The following COL5A2 variants were observed in gnomAD, a reference collection of about 807,000 sequenced individuals.
COL5A2 encodes the protein collagen alpha-2(V) chain.
COL5A2 carries 23 observed loss-of-function variants against 208.2 expected under a neutral mutation model. That is an observed-to-expected ratio of 0.11 (90% confidence interval 0.08 to 0.16). The LOEUF (loss-of-function observed/expected upper bound fraction) is 0.16. Ranked by LOEUF, COL5A2 falls within the 10% of genes least tolerant of loss-of-function variation. The pLI, the probability that COL5A2 is intolerant of heterozygous loss-of-function variation, is 1.00. For synonymous variants in COL5A2, 625 were observed against 628.5 expected (o/e 0.99, Z 0.08); for missense variants, 1,590 against 1,956.4 (o/e 0.81, Z 3.53).
chr2:189,164,905 T>G (rs1688437617), intron 1 of COL5A2, among the ~76,000 whole-genome samples: 1 of 152,190 alleles, frequency 6.6e-6, no homozygotes, highest in Admixed American at 6.5e-5. Flanking sequence ...CCACGTTGAG[T>G]TAGTAGAAGT....
chr2:189,085,198 G>A lies in COL5A2; in HGVS notation c.760C>T (p.Arg254Cys), dbSNP rs369664199. The A allele has an allele frequency of 3.7e-6, 6 of 1,611,018 alleles. No individual in the cohort carries two copies. The highest frequency in any genetic ancestry group is 2.7e-5 in the African/African-American group (2 of 74,852). Residue 254 changes from arginine (R) to cysteine (C), a missense_variant, in exon 11 of 54, where the codon CGT becomes TGT. Arg to Cys is a radical substitution (Grantham distance 180). Coordinates refer to ENST00000374866, the MANE Select transcript of COL5A2 (RefSeq NM_000393.5). ...DPGPMGPIGS[R>C]GPEGPPGKPG... is the part of the protein sequence containing the mutation. ...TTACCAGGAGGGCCCTCTGGTCCAC[G>A]TGAACCAATCGGACCCTAATAACAG...
the COL5A2 span, among the ~76,000 whole-genome samples, chr2:189,304,301 T>C: frequency 2.6e-5 from 4 of 152,246 alleles, no homozygotes; most frequent in African/African-American, 9.6e-5. Context: ...CTTGTCACTT[T>C]AGCTAAGATT....
At chr2:189,290,642 A>G in the COL5A2 span, among the ~76,000 whole-genome samples, 3 of 151,412 alleles carry the variant, frequency 2.0e-5, no homozygotes, top group Non-Finnish European at 4.4e-5. Flanking sequence ...CATGTACACA[A>G]CTTTTTCAAG....
chr2:189,053,529 A>C, intron 37 of COL5A2, 52 bp from the exon 38 acceptor site: 1 of 1,434,400 alleles, frequency 7.0e-7, no homozygotes, highest in Non-Finnish European at 9.8e-7. Flanking sequence ...CTAAACAGGA[A>C]CAGTATTTTA....
intron 1 of COL5A2, among the ~76,000 whole-genome samples, chr2:189,130,525 T>C (rs1305712074): frequency 6.6e-6 from 1 of 152,052 alleles, no homozygotes; most frequent in Non-Finnish European, 1.5e-5. Context: ...TGTTCATAGC[T>C]GTACCCCTTA....
chr2:189,081,594 T>A (rs971640728), intron 12 of COL5A2, among the ~76,000 whole-genome samples: 4 of 150,398 alleles, frequency 2.7e-5, no homozygotes, highest in African/African-American at 9.8e-5. Flanking sequence ...CAGGAATTTT[T>A]AAAATAAATT....
At chr2:189,292,241 G>A in the COL5A2 span, among the ~76,000 whole-genome samples, 1 of 152,210 alleles carries the variant, frequency 6.6e-6, no homozygotes, top group South Asian at 2.1e-4. Context: ...TACTTTTGAA[G>A]TGAGAAAAAA....
At chr2:189,062,504 T>C (rs1686056818) in intron 29 of COL5A2, among the ~76,000 whole-genome samples, 2 of 152,090 alleles carry the variant, frequency 1.3e-5, no homozygotes, top group African/African-American at 4.8e-5. Context: ...TTTTATAAGA[T>C]GCATTATTGA....
chr2:189,056,013 T>C (rs982196182), intron 35 of COL5A2, among the ~76,000 whole-genome samples: 1 of 152,248 alleles, frequency 6.6e-6, no homozygotes, highest in Non-Finnish European at 1.5e-5. Flanking sequence ...GTATCTTTTG[T>C]GCATAATTTG....
chr2:189,315,756 T>TA, the COL5A2 span, among the ~76,000 whole-genome samples: 5,543 of 152,136 alleles, frequency 0.036, 116 homozygotes, highest in Admixed American at 0.05. Flanking sequence ...AATTATTGTG[T>TA]AAAATTACTA....
the COL5A2 span, among the ~76,000 whole-genome samples, chr2:189,297,405 C>T: frequency 1.3e-5 from 2 of 152,192 alleles, no homozygotes; most frequent in Non-Finnish European, 2.9e-5. Flanking sequence ...GAATGTGAGG[C>T]ACTTCATATG....
intron 8 of COL5A2, 51 bp from the exon 9 acceptor site, chr2:189,086,821 C>T: frequency 2.1e-6 from 3 of 1,431,524 alleles, no homozygotes; most frequent in Non-Finnish European, 2.9e-6. Context: ...ACAATTAGGT[C>T]AAATATTTCA....
chr2:189,366,347 T>A, the COL5A2 span, among the ~76,000 whole-genome samples: 14 of 152,336 alleles, frequency 9.2e-5, no homozygotes, highest in African/African-American at 2.6e-4. Flanking sequence ...CAAAGAGCTA[T>A]TTTGCCCCTC....
At chr2:189,205,948 A>G (rs544271804) in intron 1 of COL5A2, among the ~76,000 whole-genome samples, 16 of 152,294 alleles carry the variant, frequency 1.1e-4, no homozygotes, top group African/African-American at 3.9e-4. Flanking sequence ...TAAACTGTTT[A>G]AAGTAGGAGA....
chr2:189,227,592 T>G (rs1689436727), upstream of COL5A2, among the ~76,000 whole-genome samples: 1 of 152,008 alleles, frequency 6.6e-6, no homozygotes, highest in Non-Finnish European at 1.5e-5. Flanking sequence ...AAAATAGACA[T>G]TATGTCAAAA....
intron 18 of COL5A2, among the ~76,000 whole-genome samples, chr2:189,071,311 G>C (rs536053515): frequency 6.6e-6 from 1 of 152,286 alleles, no homozygotes; most frequent in East Asian, 1.9e-4. Context: ...AGGGAAACAT[G>C]GCATCAGGGG....
intron 1 of COL5A2, among the ~76,000 whole-genome samples, chr2:189,166,227 A>G (rs1231479244): frequency 6.6e-6 from 1 of 151,834 alleles, no homozygotes; most frequent in African/African-American, 2.4e-5. Context: ...TGCTCTCCAT[A>G]CCCTCTCTCC....
the COL5A2 span, among the ~76,000 whole-genome samples, chr2:189,303,311 T>C: frequency 3.3e-5 from 5 of 152,196 alleles, no homozygotes; most frequent in Admixed American, 3.3e-4. Flanking sequence ...ATTCATTTCT[T>C]TTATATAAAA....
chr2:189,035,273 T>A, intron 52 of COL5A2, 118 bp from the exon 53 acceptor site: 1 of 1,321,218 alleles, frequency 7.6e-7, no homozygotes. Context: ...GAGTATTACT[T>A]TAATTCTTGT....
Sources: allele counts gnomAD v4.1 joint callset (sites outside exome capture counted in the v4.1 genomes callset), GRCh38; gene constraint gnomAD v4.1.1; transcripts MANE v1.5; gene names NCBI Gene and HGNC (gene_info 2026-07-23, HGNC 2026-07-21).